Variants in BCKDHB observed in about 807,000 individuals in gnomAD.
BCKDHB encodes 2-oxoisovalerate dehydrogenase subunit beta, mitochondrial.
In BCKDHB, 41 loss-of-function variants were observed where a neutral mutation model predicts 48.5. That is an observed-to-expected ratio of 0.85 (90% CI 0.66 to 1.10). The LOEUF is 1.10. Among genes scored for constraint, BCKDHB ranks in the 50% least tolerant of loss-of-function variants. The pLI, the probability that BCKDHB is intolerant of heterozygous loss-of-function variation, is 0.00. For synonymous variants in BCKDHB, 201 were observed against 174.8 expected, an observed-to-expected ratio of 1.15 and a Z score of -1.18; for missense variants, 496 against 494.2, an observed-to-expected ratio of 1.00 and a Z score of -0.03.
chr6:80,447,407 G>C, the BCKDHB span, among the ~76,000 whole-genome samples: 1 of 151,044 alleles, frequency 6.6e-6, no homozygotes, highest in East Asian at 1.9e-4. Context: ...TAAACTGCAC[G>C]TTAGAGGTGT....
At chr6:80,262,588 T>C (rs1777351465) in intron 8 of BCKDHB, among the ~76,000 whole-genome samples, 1 of 152,220 alleles carries the variant, frequency 6.6e-6, no homozygotes, top group Non-Finnish European at 1.5e-5. Context: ...CTATATTCCT[T>C]TGTCAGAATT....
intron 3 of BCKDHB, among the ~76,000 whole-genome samples, chr6:80,134,048 T>C (rs1214929427): frequency 6.6e-6 from 1 of 152,134 alleles, no homozygotes; most frequent in Admixed American, 6.6e-5. Flanking sequence ...AGAAAGAGTG[T>C]ATGTGTGTGT....
the BCKDHB span, among the ~76,000 whole-genome samples, chr6:80,411,902 C>T: frequency 6.6e-6 from 1 of 152,352 alleles, no homozygotes; most frequent in African/African-American, 2.4e-5. Context: ...CCCCCGACCC[C>T]TTCAACTTCC....
the BCKDHB span, among the ~76,000 whole-genome samples, chr6:80,369,733 A>AAT: frequency 6.6e-6 from 1 of 152,212 alleles, no homozygotes; most frequent in East Asian, 1.9e-4. Flanking sequence ...GAAATGCCAA[A>AAT]ATAACCTGTG....
At chr6:80,213,073 A>C (rs1775012872) in intron 8 of BCKDHB, among the ~76,000 whole-genome samples, 1 of 152,180 alleles carries the variant, frequency 6.6e-6, no homozygotes, top group South Asian at 2.1e-4. Context: ...AAAAGTAATA[A>C]ATATTAGCAA....
chr6:80,263,940 A>G (rs1230815065), intron 8 of BCKDHB, among the ~76,000 whole-genome samples: 2 of 152,140 alleles, frequency 1.3e-5, no homozygotes, highest in African/African-American at 4.8e-5. Flanking sequence ...AAATTTGCCA[A>G]GTGGGGACTT....
At chr6:80,219,060 A>G (rs1282399518) in intron 8 of BCKDHB, among the ~76,000 whole-genome samples, 1 of 151,800 alleles carries the variant, frequency 6.6e-6, no homozygotes, top group Non-Finnish European at 1.5e-5. Flanking sequence ...CACATTCTGA[A>G]TGTTTCATAT....
Position 80,345,417 on chromosome 6 carries a change from T to A in BCKDHB, c.*1613T>A, listed in dbSNP as rs535133703. 15 of 152,304 alleles carry A rather than the reference T, an allele frequency of 9.8e-5. No individual in the cohort carries two copies. The East Asian group carries it at 2.7e-3, about 27-fold the overall frequency. 9.4% of individuals were successfully genotyped at this position (152,304 alleles called of 1,614,324 possible). A position where few individuals can be genotyped will look rare whatever the true frequency, so the allele number is the denominator to read the frequency against. ...TTGACTTTTGTGTATGGGTAGTAAA[T>A]CTAGCTCACTGAAAATCAGAGTGAA... On this transcript the variant is annotated 3_prime_UTR_variant, in exon 10 of 10. Transcript: ENST00000320393.
At chr6:80,402,698 G>A in the BCKDHB span, among the ~76,000 whole-genome samples, 1 of 151,610 alleles carries the variant, frequency 6.6e-6, no homozygotes, top group East Asian at 1.9e-4. Flanking sequence ...GTCAAGGAGT[G>A]TTTTTTCTAT....
intron 9 of BCKDHB, among the ~76,000 whole-genome samples, chr6:80,306,436 TA>T (rs200469657): frequency 9.9e-5 from 15 of 151,866 alleles, no homozygotes; most frequent in Non-Finnish European, 2.1e-4. Context: ...AGTCTAAACA[TA>T]AAAAAAGGGT....
chr6:80,200,262 G>T (rs1056499656), intron 6 of BCKDHB, among the ~76,000 whole-genome samples: 3 of 151,922 alleles, frequency 2.0e-5, no homozygotes, highest in African/African-American at 7.3e-5. Flanking sequence ...CTTCCTTTTG[G>T]CTTGGTAGAG....
intron 9 of BCKDHB, among the ~76,000 whole-genome samples, chr6:80,313,959 G>T (rs567227490): frequency 2.0e-5 from 3 of 152,114 alleles, no homozygotes; most frequent in Admixed American, 6.5e-5. Flanking sequence ...AGAGATTGTG[G>T]TGCTTTGTAT....
intron 9 of BCKDHB, among the ~76,000 whole-genome samples, chr6:80,305,961 ACTT>A (rs1208019117): frequency 9.9e-5 from 15 of 152,236 alleles, no homozygotes; most frequent in Middle Eastern, 3.4e-3. Flanking sequence ...TCTCAGCACT[ACTT>A]CTTATTTGCT....
At chr6:80,458,766 T>G in the BCKDHB span, among the ~76,000 whole-genome samples, 6 of 152,320 alleles carry the variant, frequency 3.9e-5, no homozygotes, top group African/African-American at 1.4e-4. Context: ...GACTGAGACT[T>G]ATATTCATAT....
chr6:80,371,757 G>A, the BCKDHB span, among the ~76,000 whole-genome samples: 79,495 of 151,844 alleles, frequency 0.52, 21,277 homozygotes, highest in Non-Finnish European at 0.59. Context: ...CCCCCTTTAT[G>A]TTTTTGTTTG....
At chr6:80,127,172 G>C (rs1770386498) in intron 1 of BCKDHB, 2 of 288,740 alleles carry the variant, frequency 6.9e-6, no homozygotes, top group Non-Finnish European at 1.3e-5. Flanking sequence ...CACTGGTCAT[G>C]CACATTCCTT....
chr6:80,373,925 C>T, the BCKDHB span: 1 of 445,704 alleles, frequency 2.2e-6, no homozygotes, highest in South Asian at 1.9e-5. Flanking sequence ...CTCTTGGAAA[C>T]AGCAGATATT....
At chr6:80,409,001 C>A in the BCKDHB span, among the ~76,000 whole-genome samples, 2 of 151,862 alleles carry the variant, frequency 1.3e-5, no homozygotes, top group Admixed American at 6.6e-5. Context: ...CTTTCTTTTG[C>A]GGGCATTTAG....
chr6:80,324,351 A>G (rs1352240906), intron 9 of BCKDHB, among the ~76,000 whole-genome samples: 1 of 152,176 alleles, frequency 6.6e-6, no homozygotes. Flanking sequence ...GCAGCTAAGT[A>G]TGAGAGCTAC....
Sources: allele counts gnomAD v4.1 joint callset (sites outside exome capture counted in the v4.1 genomes callset), GRCh38; gene constraint gnomAD v4.1.1; transcripts MANE v1.5; gene names NCBI Gene and HGNC (gene_info 2026-07-23, HGNC 2026-07-21).